Variants in PDZD2 observed in about 807,000 individuals in gnomAD.
The protein encoded by PDZD2 is PDZ domain containing 2, also known as PDZ domain-containing protein 2.
PDZD2 carries 90 observed loss-of-function variants against 220.7 expected under a neutral mutation model. That is an observed-to-expected ratio of 0.41 (90% CI 0.34 to 0.49). The LOEUF is 0.49. Ranked by LOEUF, PDZD2 falls within the 20% of genes least tolerant of loss-of-function variation. The pLI is 0.28. For synonymous variants in PDZD2, 1,375 were observed against 1,450.5 expected (o/e 0.95, Z 1.18); for missense variants, 3,174 against 3,608.5 (o/e 0.88, Z 3.08).
intron 1 of PDZD2, among the ~76,000 whole-genome samples, chr5:31,703,474 C>T (rs540072282): frequency 5.6e-4 from 84 of 150,144 alleles, no homozygotes; most frequent in African/African-American, 1.8e-3. Flanking sequence ...CGGGACCTGT[C>T]GGGGGGTCGG....
chr5:31,822,271 C>CTTTTT (rs34010630), intron 2 of PDZD2, among the ~76,000 whole-genome samples: 4 of 100,584 alleles, frequency 4.0e-5, no homozygotes, highest in Admixed American at 1.2e-4. Context: ...TTCACGCAAT[C>CTTTTT]TTTTTTTTTT....
At chr5:31,773,842 A>G (rs913949964) in intron 1 of PDZD2, among the ~76,000 whole-genome samples, 7 of 152,132 alleles carry the variant, frequency 4.6e-5, no homozygotes, top group Admixed American at 1.3e-4. Flanking sequence ...CATATTTGTT[A>G]AATTGGGAGA....
At chr5:31,778,250 C>T (rs1249223486) in intron 1 of PDZD2, among the ~76,000 whole-genome samples, 1 of 152,168 alleles carries the variant, frequency 6.6e-6, no homozygotes, top group Non-Finnish European at 1.5e-5. Context: ...ATGGACCATT[C>T]AGCAGGATGT....
intron 1 of PDZD2, among the ~76,000 whole-genome samples, chr5:31,748,541 G>C (rs1444509270): frequency 6.6e-6 from 1 of 152,220 alleles, no homozygotes; most frequent in African/African-American, 2.4e-5. Flanking sequence ...AAGGCAGGAT[G>C]GGTCTTTCTG....
At chr5:31,874,803 A>G (rs1351613488) in intron 2 of PDZD2, among the ~76,000 whole-genome samples, 8 of 152,082 alleles carry the variant, frequency 5.3e-5, no homozygotes. Flanking sequence ...GAATCTAGCA[A>G]ACATCTATAT....
intron 6 of PDZD2, among the ~76,000 whole-genome samples, chr5:32,035,170 TAC>T (rs1349751836): frequency 5.3e-5 from 8 of 152,230 alleles, no homozygotes; most frequent in African/African-American, 1.9e-4. Flanking sequence ...ACATATTGTA[TAC>T]AGAATTTGTA....
At chr5:31,886,958 T>G (rs887615461) in intron 2 of PDZD2, among the ~76,000 whole-genome samples, 3 of 152,142 alleles carry the variant, frequency 2.0e-5, no homozygotes, top group African/African-American at 7.2e-5. Context: ...CTCGGCCTCC[T>G]GAAGTGCTGG....
At chr5:31,672,378 G>A (rs1474664613) in intron 1 of PDZD2, among the ~76,000 whole-genome samples, 1 of 152,170 alleles carries the variant, frequency 6.6e-6, no homozygotes, top group Non-Finnish European at 1.5e-5. Context: ...GTATGCTTTG[G>A]CTGGACCCAA....
At position 32,077,436 on chromosome 5, in the gene PDZD2, G is replaced by T. The variant is rs371015253; in HGVS notation, c.3538-26G>T. The T allele has an allele frequency of 1.2e-5, 20 of 1,611,996 alleles. No individual in the cohort carries two copies. The African/African-American group carries it at 2.4e-4, about 19-fold the overall frequency. On this transcript the variant is annotated intron_variant, in intron 18 of 24. Coordinates refer to ENST00000438447, the MANE Select transcript of PDZD2 (RefSeq NM_178140.4). ...GCAGAAAGCCTGAAAGTTATTTCAA[G>T]TGGCTTGTGGTTGTCATTGTGCCAG... is the stretch of plus-strand genomic sequence containing the variant.
chr5:31,778,672 A>C (rs1056792102), intron 1 of PDZD2, among the ~76,000 whole-genome samples: 1 of 152,154 alleles, frequency 6.6e-6, no homozygotes, highest in Non-Finnish European at 1.5e-5. Flanking sequence ...GTCTTTAGGA[A>C]CTTTAACACT....
intron 2 of PDZD2, among the ~76,000 whole-genome samples, chr5:31,926,942 A>G (rs1324096602): frequency 6.6e-6 from 1 of 152,258 alleles, no homozygotes; most frequent in Non-Finnish European, 1.5e-5. Context: ...GCTGGAGGCC[A>G]TCATCCTAAG....
intron 13 of PDZD2, among the ~76,000 whole-genome samples, chr5:32,060,360 T>C (rs905291343): frequency 1.3e-5 from 2 of 152,236 alleles, no homozygotes; most frequent in African/African-American, 4.8e-5. Flanking sequence ...TCTCTCCTAC[T>C]GACTTCTCTC....
At chr5:31,691,361 C>T (rs1463038847) in intron 1 of PDZD2, among the ~76,000 whole-genome samples, 1 of 152,028 alleles carries the variant, frequency 6.6e-6, no homozygotes, top group Non-Finnish European at 1.5e-5. Flanking sequence ...AAAGAGTGAG[C>T]AGTAGCAAGA....
chr5:32,064,138 T>C (rs562606468), intron 14 of PDZD2, among the ~76,000 whole-genome samples: 1 of 152,370 alleles, frequency 6.6e-6, no homozygotes, highest in South Asian at 2.1e-4. Flanking sequence ...TTTAACTTTT[T>C]GAAGCTAACC....
chr5:31,702,473 T>C (rs987395118), intron 1 of PDZD2, among the ~76,000 whole-genome samples: 1 of 152,202 alleles, frequency 6.6e-6, no homozygotes, highest in African/African-American at 2.4e-5. Flanking sequence ...CCCAAGGACA[T>C]GCATTGACGA....
At chr5:31,828,836 A>G (rs1756384589) in intron 2 of PDZD2, among the ~76,000 whole-genome samples, 1 of 152,134 alleles carries the variant, frequency 6.6e-6, no homozygotes, top group Admixed American at 6.5e-5. Context: ...CCACTTTTAC[A>G]TTGAGTTGTA....
At chr5:31,869,690 TG>T (rs1268712180) in intron 2 of PDZD2, among the ~76,000 whole-genome samples, 3 of 152,230 alleles carry the variant, frequency 2.0e-5, no homozygotes, top group Admixed American at 2.0e-4. Flanking sequence ...GGGACTCCCT[TG>T]AAGATCCCAA....
At chr5:31,934,978 T>TGGAGTA (rs1472271523) in intron 2 of PDZD2, among the ~76,000 whole-genome samples, 1 of 151,390 alleles carries the variant, frequency 6.6e-6, no homozygotes, top group Admixed American at 6.6e-5. Flanking sequence ...TCCCAGCTAC[T>TGGAGTA]CCAGGAGGTT....
rs1399914484 is a variant in PDZD2, at chr5:32,098,575, C to A, written c.8159C>A (p.Pro2720His). Residue 2720 changes from proline (P) to histidine (H), a missense_variant, in exon 23 of 25, where the codon CCC becomes CAC. This residue lies in a region of PDZD2 where 631 missense variants were observed against 789.9 expected (regional missense o/e 0.80). Coordinates refer to ENST00000438447, the MANE Select transcript of PDZD2 (RefSeq NM_178140.4). The surrounding 1 kb of genome is among the most constrained non-coding windows in gnomAD (Gnocchi z 4.1). ...QPRPSARQEP[P>H]TANGKGLLSR... ...AGGCCCTCTGCCCGGCAGGAGCCTC[C>A]CACAGCCAATGGGAAGGGTTTGCTG... 1 of 1,614,134 alleles carries A rather than the reference C, an allele frequency of 6.2e-7. No individual in the cohort carries two copies. The highest frequency in any genetic ancestry group is 1.7e-5 in the Admixed American group (1 of 60,016).
Sources: allele counts gnomAD v4.1 joint callset (sites outside exome capture counted in the v4.1 genomes callset), GRCh38; gene constraint gnomAD v4.1.1; regional missense constraint gnomAD v4.1.1; non-coding constraint Gnocchi (gnomAD v3.1); transcripts MANE v1.5; gene names NCBI Gene and HGNC (gene_info 2026-07-23, HGNC 2026-07-21).